The following DCN variants were observed in gnomAD, a reference collection of about 807,000 sequenced individuals.
DCN encodes decorin.
A neutral mutation model predicts 36.5 loss-of-function variants in DCN; 17 were observed. That is an observed-to-expected ratio of 0.47 (90% CI 0.32 to 0.70). DCN has a LOEUF of 0.70. Ranked by LOEUF, DCN falls within the 30% of genes least tolerant of loss-of-function variation. The pLI is 0.04. For missense variants in DCN, 389 were observed against 430.1 expected (o/e 0.90, Z 0.84); for synonymous variants, 163 against 161.4 (o/e 1.01, Z -0.07).
chr12:91,172,877 A>G (rs967822536), intron 2 of DCN: 14 of 621,070 alleles, frequency 2.3e-5, no homozygotes, highest in African/African-American at 1.3e-4. Context: ...TTCTAGTGAA[A>G]AAAAATAAAA....
intron 2 of DCN, among the ~76,000 whole-genome samples, chr12:91,173,597 A>G (rs767617667): frequency 7.9e-5 from 12 of 152,056 alleles, no homozygotes; most frequent in Non-Finnish European, 1.3e-4. Flanking sequence ...TCCTTCCCAT[A>G]TCATGTTTTG....
intron 7 of DCN, among the ~76,000 whole-genome samples, chr12:91,148,220 C>T (rs536730993): frequency 2.0e-5 from 3 of 151,792 alleles, no homozygotes; most frequent in Non-Finnish European, 4.4e-5. Context: ...ACTACAGGCG[C>T]CCACCACCAC....
rs765239185 is a variant in DCN, at chr12:91,146,076, T to A, written c.1062A>T (p.Gln354His). 7.4e-6 allele frequency: 12 copies of A among 1,613,868 alleles called. No homozygotes were observed. The East Asian group carries it at 1.1e-4, about 15-fold the overall frequency. Residue 354 changes from glutamine (Q) to histidine (H), a missense_variant, in exon 8 of 8, where the codon CAA becomes CAT. Transcript: ENST00000052754. ...FRCVYVRSAIQLGNYK is the reference protein window; with the variant it reads ...FRCVYVRSAIHLGNYK ...TTGAGAATTACTTATAGTTTCCGAGTTGAATGGCAGAGCGCACGTAGACAC... is the reference window on the plus strand; with the variant it reads ...TTGAGAATTACTTATAGTTTCCGAGATGAATGGCAGAGCGCACGTAGACAC...
intron 3 of DCN, among the ~76,000 whole-genome samples, chr12:91,160,784 CAA>C (rs2121223605): frequency 6.6e-6 from 1 of 152,180 alleles, no homozygotes; most frequent in African/African-American, 2.4e-5. Flanking sequence ...TTTCCTTACT[CAA>C]CTTATTAAGC....
intron 7 of DCN, 98 bp from the exon 8 acceptor site, chr12:91,146,350 A>ATTTT: frequency 2.0e-6 from 1 of 508,090 alleles, no homozygotes; most frequent in Non-Finnish European, 3.2e-6. Flanking sequence ...TTAATCCTTC[A>ATTTT]CTTTTTTTTT....
chr12:91,153,053 C>T lies in DCN; in HGVS notation c.746+43G>A, dbSNP rs3138265. On this transcript the variant is annotated intron_variant, in intron 6 of 7. Coordinates refer to ENST00000052754, the MANE Select transcript of DCN (RefSeq NM_001920.5). Reference sequence around the variant, plus strand: ...TCTTATCATATAAGCACTAATATACCTAGCCATTGTTCTGATAGAATGTCA... The same window carrying T: ...TCTTATCATATAAGCACTAATATACTTAGCCATTGTTCTGATAGAATGTCA... The T allele has an allele frequency of 1.8e-4, 182 of 1,015,116 alleles. No homozygotes were observed. The African/African-American group carries it at 2.3e-3, about 13-fold the overall frequency. The allele number at this position is 1,015,116 out of a possible 1,614,324, so 62.9% of individuals were successfully genotyped here.
rs541434844 is a variant in DCN, at chr12:91,156,386, T to C, written c.652+689A>G. Among the ~76,000 whole-genome samples the C allele has an allele frequency of 4.6e-5, 7 of 152,352 alleles. No individual in the cohort carries two copies. In the South Asian group the frequency reaches 1.5e-3, roughly 32 times the overall value. The stretch of plus-strand genomic sequence containing the variant: ...TATATTAATTCCCTACTTATCTATA[T>C]GCTAAATATTTCTCTAATTATTTAT... On this transcript the variant is annotated intron_variant, in intron 5 of 7. Coordinates refer to ENST00000052754, the MANE Select transcript of DCN (RefSeq NM_001920.5).
intron 2 of DCN, among the ~76,000 whole-genome samples, chr12:91,168,456 G>C (rs1408832792): frequency 1.3e-5 from 2 of 152,098 alleles, no homozygotes; most frequent in African/African-American, 2.4e-5. Context: ...TGTTTTGTTA[G>C]TTTATTTATT....
intron 3 of DCN, among the ~76,000 whole-genome samples, chr12:91,162,146 G>A (rs928855062): frequency 6.6e-6 from 1 of 151,988 alleles, no homozygotes; most frequent in Non-Finnish European, 1.5e-5. Context: ...TCACCATGTT[G>A]GCCAGGATGG....
intron 6 of DCN, among the ~76,000 whole-genome samples, chr12:91,152,793 G>T (rs1296688511): frequency 6.6e-6 from 1 of 151,964 alleles, no homozygotes; most frequent in African/African-American, 2.4e-5. Context: ...AAATAAGTTA[G>T]AACATATTAA....
intron 2 of DCN, among the ~76,000 whole-genome samples, chr12:91,170,368 G>A (rs545861879): frequency 5.8e-4 from 88 of 152,160 alleles, no homozygotes; most frequent in Non-Finnish European, 9.6e-4. Flanking sequence ...TGTTTTTCAG[G>A]TATGTCAAGC....
At chr12:91,179,888 C>T (rs1883499054) in intron 1 of DCN, among the ~76,000 whole-genome samples, 1 of 152,070 alleles carries the variant, frequency 6.6e-6, no homozygotes, top group African/African-American at 2.4e-5. Context: ...TATATGATCT[C>T]ATTTTGCTAA....
chr12:91,162,082 A>G (rs1436884710), intron 3 of DCN, among the ~76,000 whole-genome samples: 2 of 152,032 alleles, frequency 1.3e-5, no homozygotes, highest in Non-Finnish European at 2.9e-5. Flanking sequence ...CTGGGACTAC[A>G]GGAGCGCGCC....
rs182076247 is a variant in DCN at position 91,160,073 on chromosome 12, A to C, written c.325-1564T>G. Among the ~76,000 whole-genome samples, 4 of 152,272 alleles carry C rather than the reference A, an allele frequency of 2.6e-5. No homozygotes were observed. In the East Asian group the frequency reaches 7.7e-4, roughly 29 times the overall value. On this transcript the variant is annotated intron_variant, in intron 3 of 7. Transcript: ENST00000052754. ...TATTAAGTAACATAATCATTTAACT[A>C]ATCCTGAAAGATGCATTGGTTGATT... is the stretch of plus-strand genomic sequence containing the variant.
chr12:91,178,235 T>A (rs1351529440), intron 2 of DCN, 107 bp downstream of exon 2: 1 of 993,874 alleles, frequency 1.0e-6, no homozygotes, highest in Non-Finnish European at 1.6e-6. Context: ...GGTGGCACTG[T>A]CTCTCAAATT....
rs1456434541 is a variant in DCN, at chr12:91,179,155, AT to A, written c.-33-571del. 25 of 161,806 alleles carry A rather than the reference AT, an allele frequency of 1.5e-4. No homozygotes were observed. The East Asian group carries it at 4.5e-3, about 29-fold the overall frequency. The allele number at this position is 161,806 out of a possible 1,614,324, so 10.0% of individuals were successfully genotyped here. On this transcript the variant is annotated intron_variant, in intron 1 of 7. Transcript: ENST00000052754. The stretch of plus-strand genomic sequence containing the variant: ...GCCTGAGTCATCGTCTAAAAATTCA[AT>A]TTTGTCTTATTAATTTCTACTATAA...
chr12:91,154,428 A>G (rs1317764672), intron 5 of DCN, among the ~76,000 whole-genome samples: 1 of 144,450 alleles, frequency 6.9e-6, no homozygotes, highest in East Asian at 1.9e-4. Flanking sequence ...GTAATTACAA[A>G]GTAATGCAAA....
intron 3 of DCN, among the ~76,000 whole-genome samples, chr12:91,159,882 A>G (rs1402728381): frequency 1.3e-5 from 2 of 152,098 alleles, no homozygotes; most frequent in South Asian, 2.1e-4. Flanking sequence ...ATTATAGTAT[A>G]TGTTTCGCAT....
chr12:91,160,238 A>T (rs947960201), intron 3 of DCN, among the ~76,000 whole-genome samples: 2 of 152,150 alleles, frequency 1.3e-5, no homozygotes, highest in African/African-American at 4.8e-5. Flanking sequence ...GGTGACATAT[A>T]TCATTACAAG....
Sources: gnomAD v4.1 joint callset for allele counts (sites outside exome capture counted in the v4.1 genomes callset) on GRCh38, gnomAD v4.1.1 for gene constraint, MANE v1.5 for transcripts, NCBI Gene and HGNC (gene_info 2026-07-23, HGNC 2026-07-21) for gene names.